GGT7: variants seen among roughly 807,000 people sequenced by gnomAD.
GGT7 encodes glutathione hydrolase 7.
In GGT7, 30 loss-of-function variants were observed where a neutral mutation model predicts 69.2. The ratio of observed to expected loss-of-function variants is 0.43; its 90% CI spans 0.32 to 0.59. The LOEUF is 0.59. Among genes scored for constraint, GGT7 ranks in the 20% least tolerant of loss-of-function variants. The pLI is 0.05. For synonymous variants in GGT7, 388 were observed against 391.8 expected, an observed-to-expected ratio of 0.99 and a Z score of 0.12; for missense variants, 733 against 901.1, an observed-to-expected ratio of 0.81 and a Z score of 2.39.
rs756059919 is a variant in GGT7 at position 34,852,137 on chromosome 20, C to G, written c.1587+18G>C. 3.5e-5 allele frequency: 52 copies of G among 1,497,072 alleles called. No homozygotes were observed. The South Asian group carries it at 5.5e-4, about 16-fold the overall frequency. The allele number at this position is 1,497,072 out of a possible 1,614,324, so 92.7% of individuals were successfully genotyped here. ...ATAGGCCTCAGGGTCCCCAGGAAAG[C>G]AGGGAAGCAAATCCTACCAGGCTGG... On this transcript the variant is annotated intron_variant, in intron 12 of 14. Transcript: ENST00000336431.
rs188388246 is a variant in GGT7 at position 34,858,256 on chromosome 20, G to A, written c.1014+1187C>T. Among the ~76,000 whole-genome samples the A allele has an allele frequency of 7.8e-4, 119 of 152,344 alleles. 1 individual carries two copies. The highest frequency in any genetic ancestry group is 8.3e-4 in the South Asian group (4 of 4,828). On this transcript the variant is annotated intron_variant, in intron 7 of 14. Transcript: ENST00000336431. ...GGGAGCAGGTGGAAAGGATCTGAGA[G>A]TGAATCCAAACAAAGGAAAGTAGAG...
At chr20:34,871,605 G>A (rs2079779396) in intron 1 of GGT7, among the ~76,000 whole-genome samples, 1 of 152,256 alleles carries the variant, frequency 6.6e-6, no homozygotes, top group Non-Finnish European at 1.5e-5. Flanking sequence ...AGGGCCAGAT[G>A]ACCAGAAAGT....
At position 34,859,609 on chromosome 20, in the gene GGT7, T is replaced by C; in HGVS notation, c.848A>G (p.Asn283Ser). The change falls in exon 7 of 15, where the codon AAC becomes AGC. Residue 283 changes from asparagine (N) to serine (S), a missense_variant. Physicochemically the swap from Asn to Ser is conservative, Grantham distance 46. Coordinates refer to ENST00000336431, the MANE Select transcript of GGT7 (RefSeq NM_178026.3). ...CGTCTCCCGGAAGCGCTCGGACATGTTGGGTGGCAGCTGTTCAGCCAGGGC... is the reference window on the plus strand; with the variant it reads ...CGTCTCCCGGAAGCGCTCGGACATGCTGGGTGGCAGCTGTTCAGCCAGGGC... ...ARALAEQLPP[N>S]MSERFRETFL... 6.3e-7 allele frequency: 1 copy of C among 1,599,950 alleles called. No homozygotes were observed. Among genetic ancestry groups the C allele is most frequent in the Non-Finnish European group, 8.5e-7 (1 of 1,172,488 alleles).
intron 1 of GGT7, among the ~76,000 whole-genome samples, chr20:34,869,051 T>A (rs778315141): frequency 4.6e-5 from 7 of 152,090 alleles, no homozygotes; most frequent in Admixed American, 1.3e-4. Context: ...TGAACAAAAT[T>A]GATTATACAA....
intron 14 of GGT7, among the ~76,000 whole-genome samples, chr20:34,846,018 T>C (rs887016150): frequency 5.3e-5 from 8 of 151,364 alleles, no homozygotes; most frequent in Non-Finnish European, 1.0e-4. Context: ...TAAGCTGAGA[T>C]TGCACCACTG....
chr20:34,850,647 T>C, intron 13 of GGT7: 1 of 349,440 alleles, frequency 2.9e-6, no homozygotes, highest in South Asian at 2.2e-5. Context: ...TTGTTATTAT[T>C]TCCATTTTAA....
intron 13 of GGT7, among the ~76,000 whole-genome samples, chr20:34,850,382 G>A (rs1283666769): frequency 6.6e-6 from 1 of 152,218 alleles, no homozygotes; most frequent in Non-Finnish European, 1.5e-5. Context: ...AAGGTTAATA[G>A]CTAGGAGTGG....
intron 10 of GGT7, among the ~76,000 whole-genome samples, chr20:34,853,575 A>G (rs2079437299): frequency 6.6e-6 from 1 of 152,058 alleles, no homozygotes; most frequent in Non-Finnish European, 1.5e-5. Flanking sequence ...AAAAAAAAAA[A>G]AAAATTCAAC....
In GGT7 at chr20:34,872,822, C is replaced by T; in HGVS notation, c.-7G>A. 2 of 1,340,428 alleles carry T rather than the reference C, an allele frequency of 1.5e-6. No individual in the cohort carries two copies. Among genetic ancestry groups the T allele is most frequent in the South Asian group, 1.9e-5 (1 of 52,376 alleles). The allele number at this position is 1,340,428 out of a possible 1,614,324, so 83.0% of individuals were successfully genotyped here. A position where few individuals can be genotyped will look rare whatever the true frequency, so the allele number is the denominator to read the frequency against. On this transcript the variant is annotated 5_prime_UTR_variant, in exon 1 of 15. Coordinates refer to ENST00000336431, the MANE Select transcript of GGT7 (RefSeq NM_178026.3). Reference sequence around the variant, plus strand: ...CCTCGTTCTCCGCCGCCATCCTCGCCCGCGCCCCCCAGCAGCGCAGCGCCT... The same window carrying T: ...CCTCGTTCTCCGCCGCCATCCTCGCTCGCGCCCCCCAGCAGCGCAGCGCCT...
At position 34,863,916 on chromosome 20, in the gene GGT7, A is replaced by C. The variant is rs2079646500; in HGVS notation, c.170-368T>G. On this transcript the variant is annotated intron_variant, in intron 1 of 14. Coordinates refer to ENST00000336431, the MANE Select transcript of GGT7 (RefSeq NM_178026.3). The surrounding 1 kb of genome is among the most constrained non-coding windows in gnomAD (Gnocchi z 4.4). ...TGCCCCAGTTGGGGCCCAGCCTTCC[A>C]TGCAAGGAGGCAGCTACATAAACAG... 6.6e-6 allele frequency among the ~76,000 whole-genome samples: 1 copy of C among 152,274 alleles called. No homozygotes were observed. Among genetic ancestry groups the C allele is most frequent in the African/African-American group, 2.4e-5 (1 of 41,546 alleles).
intron 1 of GGT7, among the ~76,000 whole-genome samples, chr20:34,870,261 C>T (rs1487009084): frequency 6.6e-6 from 1 of 152,190 alleles, no homozygotes; most frequent in African/African-American, 2.4e-5. Flanking sequence ...CTCCCAGAAG[C>T]TCAGATGACT....
intron 1 of GGT7, among the ~76,000 whole-genome samples, chr20:34,866,670 C>G (rs1568943807): frequency 6.6e-6 from 1 of 152,004 alleles, no homozygotes; most frequent in Non-Finnish European, 1.5e-5. Flanking sequence ...ACCTCCATCT[C>G]CCAGGTTCAA....
In GGT7 at chr20:34,859,478, C is replaced by G; in HGVS notation, c.979G>C (p.Ala327Pro). The change falls in exon 7 of 15, where the codon GCA becomes CCA. Residue 327 changes from alanine to proline, a missense_variant. Ala to Pro is a conservative substitution (Grantham distance 27, BLOSUM62 -1). Coordinates refer to ENST00000336431, the MANE Select transcript of GGT7 (RefSeq NM_178026.3). The stretch of plus-strand genomic sequence containing the variant: ...ATCTCCAGTGTGAGGTTGCCACCTG[C>G]GTAGAAGGCAGCCGGGCCGGAGGTG... ...LGTSGPAAFYAGGNLTLEMVA... is the reference protein window; with the variant it reads ...LGTSGPAAFYPGGNLTLEMVA... 6.2e-7 allele frequency: 1 copy of G among 1,602,640 alleles called. No individual in the cohort carries two copies. The highest frequency in any genetic ancestry group is 8.5e-7 in the Non-Finnish European group (1 of 1,171,486).
In GGT7 at chr20:34,851,243, G is replaced by T; in HGVS notation, c.1713C>A (p.Ser571Arg). ...LGANGAARGL[S>R]GLTQVLLNVL... ...GCGTAAACCTCACCTGTGTCAGGCC[G>T]CTGAGGCCCCGCGCAGCTCCATTGG... Residue 571 changes from serine to arginine, a missense_variant, in exon 13 of 15, where the codon AGC becomes AGA. Physicochemically the swap from Ser to Arg is moderately radical, Grantham distance 110. Coordinates refer to ENST00000336431, the MANE Select transcript of GGT7 (RefSeq NM_178026.3). 1 of 1,613,452 alleles carries T rather than the reference G, an allele frequency of 6.2e-7. No homozygotes were observed. Among genetic ancestry groups the T allele is most frequent in the Non-Finnish European group, 8.5e-7 (1 of 1,179,984 alleles).
intron 10 of GGT7, among the ~76,000 whole-genome samples, chr20:34,853,111 A>C (rs924010523): frequency 6.6e-6 from 1 of 151,894 alleles, no homozygotes. Flanking sequence ...CACCACACCT[A>C]GCTAATTTTT....
intron 14 of GGT7, among the ~76,000 whole-genome samples, chr20:34,847,520 C>T (rs138170250): frequency 6.6e-6 from 1 of 152,334 alleles, no homozygotes; most frequent in African/African-American, 2.4e-5. Context: ...TCTTGAATAG[C>T]ATTAAATCAC....
At position 34,851,267 on chromosome 20, in the gene GGT7, G is replaced by A. The variant is rs762633607; in HGVS notation, c.1689C>T (p.Ala563=). 6.2e-7 allele frequency: 1 copy of A among 1,613,884 alleles called. No homozygotes were observed. ...CGCTGAGGCCCCGCGCAGCTCCATTGGCCCCCAGAGCGAGGTAGGTTCCAC... is the reference window on the plus strand; with the variant it reads ...CGCTGAGGCCCCGCGCAGCTCCATTAGCCCCCAGAGCGAGGTAGGTTCCAC... ...GLCGTYLALG[A]NGAARGLSGL... Residue 563 remains alanine, a synonymous_variant, in exon 13 of 15, where the codon GCC becomes GCT. Coordinates refer to ENST00000336431, the MANE Select transcript of GGT7 (RefSeq NM_178026.3).
chr20:34,846,984 G>A (rs1357142056), intron 14 of GGT7, among the ~76,000 whole-genome samples: 3 of 152,120 alleles, frequency 2.0e-5, no homozygotes, highest in Admixed American at 6.5e-5. Flanking sequence ...TCCAGTCTTT[G>A]GCACCTCTTC....
chr20:34,870,410 C>T (rs2079759535), intron 1 of GGT7, among the ~76,000 whole-genome samples: 1 of 152,194 alleles, frequency 6.6e-6, no homozygotes, highest in South Asian at 2.1e-4. Context: ...ATCCTGAGAT[C>T]TTCTCTCTCA....
Sources: allele counts gnomAD v4.1 joint callset (sites outside exome capture counted in the v4.1 genomes callset), GRCh38; gene constraint gnomAD v4.1.1; non-coding constraint Gnocchi (gnomAD v3.1); transcripts MANE v1.5; gene names NCBI Gene and HGNC (gene_info 2026-07-23, HGNC 2026-07-21).